The following GSDMD variants were observed in gnomAD, a reference collection of about 807,000 sequenced individuals.
The protein encoded by GSDMD is gasdermin-D.
GSDMD carries 46 observed loss-of-function variants against 46.7 expected under a neutral mutation model. The ratio of observed to expected loss-of-function variants is 0.99; its 90% CI spans 0.78 to 1.26. The LOEUF (loss-of-function observed/expected upper bound fraction) is 1.26, where lower values mean the gene tolerates loss of function less well. GSDMD is among the 50% of genes most tolerant of loss of function. GSDMD has a pLI of 0.00. For missense variants in GSDMD, 649 were observed against 638.8 expected (o/e 1.02, Z -0.17); for synonymous variants, 307 against 283.1 (o/e 1.08, Z -0.85).
Position 143,562,664 on chromosome 8 carries a change from G to A in GSDMD, c.1215G>A (p.Val405=), listed in dbSNP as rs1823494988. 6.2e-7 allele frequency: 1 copy of A among 1,606,734 alleles called. No homozygotes were observed. Among genetic ancestry groups the A allele is most frequent in the Admixed American group, 1.7e-5 (1 of 59,240 alleles). ...SQTLLGPLEL[V]GSLLEQSAPW... is the part of the protein sequence containing the mutation. The stretch of plus-strand genomic sequence containing the variant: ...TCACTCCTGCCCTGTCTTGGCAGGT[G>A]GGCAGCCTCTTGGAGCAGAGTGCCC... Residue 405 remains valine, a splice_region_variant and synonymous_variant, in exon 11 of 11, where the codon GTG becomes GTA. Coordinates refer to ENST00000262580, the MANE Select transcript of GSDMD (RefSeq NM_024736.7).
intron 3 of GSDMD, 103 bp from the exon 4 acceptor site, chr8:143,560,499 AG>A: frequency 8.0e-7 from 1 of 1,255,826 alleles, no homozygotes; most frequent in East Asian, 2.6e-5. Context: ...AGACCTCTGG[AG>A]GGCCCCTCTG....
At chr8:143,560,879 G>T (rs1490902383) in intron 4 of GSDMD, 108 bp downstream of exon 4, 1 of 1,436,988 alleles carries the variant, frequency 7.0e-7, no homozygotes, top group Non-Finnish European at 9.3e-7. Flanking sequence ...GCAGCTCCCA[G>T]CCCTGCGCTT....
upstream of GSDMD, chr8:143,557,835 A>T (rs1309558732): frequency 2.9e-6 from 1 of 345,370 alleles, no homozygotes. Flanking sequence ...GGCAATTTCT[A>T]CATTTTGTAC....
In GSDMD at chr8:143,561,805, G is replaced by A; in HGVS notation, c.800G>A (p.Arg267Lys). The A allele has an allele frequency of 6.2e-7, 1 of 1,610,904 alleles. No homozygotes were observed. The highest frequency in any genetic ancestry group is 8.5e-7 in the Non-Finnish European group (1 of 1,178,996). ...CTGCCCTCTGGCCTCTCCATGATGA[G>A]GTGCCTCCACAACTTCCTGACAGGT... ...PQLPSGLSMM[R>K]CLHNFLTDGV... The change falls in exon 7 of 11, where the codon AGG (arginine) becomes AAG (lysine). Residue 267 changes from arginine to lysine, a missense_variant. Coordinates refer to ENST00000262580, the MANE Select transcript of GSDMD (RefSeq NM_024736.7).
At chr8:143,559,687 G>A (rs1823401859) in intron 2 of GSDMD, 90 bp from the exon 3 acceptor site, 2 of 1,459,574 alleles carry the variant, frequency 1.4e-6, no homozygotes, top group Non-Finnish European at 1.9e-6. Context: ...CCTTTCCAAA[G>A]GTCCCTCTGC....
rs778877530 is a variant in GSDMD, at chr8:143,562,512, G to C, written c.1203G>C (p.Pro401=). Residue 401 remains proline (P), a synonymous_variant, in exon 10 of 11, where the codon CCG becomes CCC. Coordinates refer to ENST00000262580, the MANE Select transcript of GSDMD (RefSeq NM_024736.7). The part of the protein sequence containing the change: ...EALESQTLLG[P]LELVGSLLEQ... ...TGGAGTCGCAGACCCTGTTGGGGCC[G>C]CTCGAGCTGGTGAGAGGGTTGGGTT... The C allele has an allele frequency of 6.2e-7, 1 of 1,606,660 alleles. No individual in the cohort carries two copies. The highest frequency in any genetic ancestry group is 1.3e-5 in the African/African-American group (1 of 74,924).
chr8:143,562,570 A>G (rs1173184336), intron 10 of GSDMD, 49 bp downstream of exon 10: 1 of 1,598,860 alleles, frequency 6.3e-7, no homozygotes, highest in Non-Finnish European at 8.5e-7. Context: ...AGCCAGTGGA[A>G]GGGGCCCTGT....
At chr8:143,561,454 T>G (rs1327076209) in intron 6 of GSDMD, 31 bp downstream of exon 6, 1 of 1,601,656 alleles carries the variant, frequency 6.2e-7, no homozygotes, top group Admixed American at 1.7e-5. Context: ...GCATGGGGTG[T>G]CCGGTGGGAA....
rs760718089 is a variant in GSDMD, at chr8:143,562,795, T to C, written c.1346T>C (p.Leu449Pro). 5 of 1,601,482 alleles carry C rather than the reference T, an allele frequency of 3.1e-6. No individual in the cohort carries two copies. In the East Asian group the frequency reaches 9.1e-5, roughly 29 times the overall value. The change falls in exon 11 of 11, where the codon CTG (leucine) becomes CCG (proline). Residue 449 changes from leucine to proline, a missense_variant. Physicochemically the swap from Leu to Pro is moderately conservative, Grantham distance 98. Transcript: ENST00000262580. ...WVLLDECGLE[L>P]GEDTPHVCWE... The stretch of plus-strand genomic sequence containing the variant: ...TTGCTGGACGAGTGTGGCCTAGAGC[T>C]GGGGGAGGACACTCCCCACGTGTGC...
upstream of GSDMD, among the ~76,000 whole-genome samples, chr8:143,556,544 C>T (rs1330811164): frequency 6.6e-6 from 1 of 152,236 alleles, no homozygotes; most frequent in African/African-American, 2.4e-5. Flanking sequence ...TCTTGCCTCA[C>T]ACAAAACAAA....
Position 143,562,718 on chromosome 8 carries a change from GC to G in GSDMD, c.1275del (p.Leu427SerfsTer21). Reference sequence around the variant, plus strand: ...GGCAGGAGCGCAGCACCATGTCCCTGCCCCCCGGGCTCCTGGGGAACAGCTG... The same window carrying G: ...GGCAGGAGCGCAGCACCATGTCCCTGCCCCCGGGCTCCTGGGGAACAGCTG... ...PWQERSTMSL[P>X]PGLLGNSWGE... On this transcript the variant is annotated frameshift_variant, in exon 11 of 11. Coordinates refer to ENST00000262580, the MANE Select transcript of GSDMD (RefSeq NM_024736.7). LOFTEE classifies it low-confidence loss of function (END_TRUNC). 3.1e-6 allele frequency: 5 copies of G among 1,593,754 alleles called. No individual in the cohort carries two copies. The highest frequency in any genetic ancestry group is 3.4e-6 in the Non-Finnish European group (4 of 1,170,192).
chr8:143,561,965 T>C lies in GSDMD; in HGVS notation c.830T>C (p.Val277Ala). The change falls in exon 8 of 11, where the codon GTC becomes GCC. Residue 277 changes from valine to alanine, a missense_variant. Physicochemically the swap from Val to Ala is moderately conservative, Grantham distance 64. Transcript: ENST00000262580. ...AGCCCTTCTGTCCCTACAGATGGGG[T>C]CCCTGCGGAGGGGGCGTTCACTGAA... ...RCLHNFLTDG[V>A]PAEGAFTEDF... 6.2e-7 allele frequency: 1 copy of C among 1,608,752 alleles called. No homozygotes were observed. The highest frequency in any genetic ancestry group is 8.5e-7 in the Non-Finnish European group (1 of 1,178,212).
At chr8:143,557,878 C>G (rs185588744), upstream of GSDMD, 61 of 428,620 alleles carry the variant, frequency 1.4e-4, no homozygotes, top group East Asian at 4.2e-3. Flanking sequence ...CCCTTCGGCA[C>G]AGGCCCAAAG....
chr8:143,559,569 T>C lies in GSDMD; in HGVS notation c.217+17T>C. 6.2e-7 allele frequency: 1 copy of C among 1,608,236 alleles called. No homozygotes were observed. Among genetic ancestry groups the C allele is most frequent in the Non-Finnish European group, 8.5e-7 (1 of 1,176,820 alleles). ...CGGAACCAGGTGCCTGATGTGGTGC[T>C]GAGGCAGAGCCCCAGGGAGGCTGGA... is the stretch of plus-strand genomic sequence containing the variant. On this transcript the variant is annotated intron_variant, in intron 2 of 10. Transcript: ENST00000262580.
At chr8:143,560,571 G>T in intron 3 of GSDMD, 32 bp from the exon 4 acceptor site, 2 of 1,543,934 alleles carry the variant, frequency 1.3e-6, no homozygotes, top group Non-Finnish European at 1.8e-6. Context: ...AGGGGCTGCG[G>T]CCCAGCGAGC....
chr8:143,553,705 A>G (rs1823250935), upstream of GSDMD: 1 of 146,896 alleles, frequency 6.8e-6, no homozygotes, highest in Non-Finnish European at 1.5e-5. Context: ...GTGATGATTG[A>G]AGAACTGAGT....
chr8:143,559,280 T>TGGGGCC, intron 1 of GSDMD, 52 bp from the exon 2 acceptor site: 1 of 579,430 alleles, frequency 1.7e-6, no homozygotes. Flanking sequence ...CTTCTCCCAC[T>TGGGGCC]CCCTCCCGCC....
At position 143,558,686 on chromosome 8, in the gene GSDMD, C is replaced by T. The variant is rs946719484; in HGVS notation, c.-5+235C>T. 8.7e-6 allele frequency: 5 copies of T among 572,590 alleles called. No individual in the cohort carries two copies. The Middle Eastern group carries it at 1.4e-3, about 157-fold the overall frequency. 35.5% of individuals were successfully genotyped at this position (572,590 alleles called of 1,614,324 possible). On this transcript the variant is annotated intron_variant, in intron 1 of 10. Coordinates refer to ENST00000262580, the MANE Select transcript of GSDMD (RefSeq NM_024736.7). ...ACTCCCAGGTCCGCCATCCAGGTTC[C>T]CGGGCCGGTGCTGTTCCCGCCCCCA... is the stretch of plus-strand genomic sequence containing the variant.
upstream of GSDMD, among the ~76,000 whole-genome samples, chr8:143,554,044 C>T (rs774739008): frequency 1.1e-4 from 13 of 113,430 alleles, 2 homozygotes; most frequent in Non-Finnish European, 2.1e-4. Context: ...GGGCCTGACG[C>T]ACCACAGACC....
Sources: gnomAD v4.1 joint callset for allele counts (sites outside exome capture counted in the v4.1 genomes callset) on GRCh38, gnomAD v4.1.1 for gene constraint, MANE v1.5 for transcripts, NCBI Gene and HGNC (gene_info 2026-07-23, HGNC 2026-07-21) for gene names.